Variants in RRM1 observed in about 807,000 individuals in gnomAD.
RRM1 encodes the protein ribonucleotide reductase catalytic subunit M1.
RRM1 carries 19 observed loss-of-function variants against 101.5 expected under a neutral mutation model. The ratio of observed to expected loss-of-function variants is 0.19; its 90% CI spans 0.13 to 0.27. RRM1 has a LOEUF of 0.27. RRM1 is among the 10% of genes least tolerant of loss of function. The probability of loss-of-function intolerance (pLI) is 1.00; values close to 1 mark genes in which losing one functional copy is unlikely to be tolerated. For missense variants in RRM1, 500 were observed against 962.9 expected, an observed-to-expected ratio of 0.52 and a Z score of 6.36; for synonymous variants, 298 against 323.4, an observed-to-expected ratio of 0.92 and a Z score of 0.84.
At position 4,133,980 on chromosome 11, in the gene RRM1, A is replaced by ATTTTT. The variant is rs34715101; in HGVS notation, c.2001+342_2001+346dup. The stretch of plus-strand genomic sequence containing the variant: ...GTCTAGGAACAGGAACCAGACATCA[A>ATTTTT]TTTTTTTTTTTTTTTTTTTTTTTTG... On this transcript the variant is annotated intron_variant, in intron 17 of 18. Transcript: ENST00000300738. 2.1e-3 allele frequency among the ~76,000 whole-genome samples: 195 copies of ATTTTT among 90,846 alleles called. 4 individuals are homozygous for ATTTTT. The highest frequency in any genetic ancestry group is 4.8e-3 in the African/African-American group (107 of 22,212). The allele number at this position is 90,846 out of a possible 152,430, so 59.6% of individuals were successfully genotyped here.
At chr11:4,100,077 T>TA (rs1306736572) in intron 1 of RRM1, among the ~76,000 whole-genome samples, 1 of 152,210 alleles carries the variant, frequency 6.6e-6, no homozygotes, top group Non-Finnish European at 1.5e-5. Flanking sequence ...ATTTCAGAGT[T>TA]AAATGCTGCA....
At chr11:4,126,001 A>G (rs1565187826) in intron 12 of RRM1, among the ~76,000 whole-genome samples, 1 of 152,226 alleles carries the variant, frequency 6.6e-6, no homozygotes, top group Admixed American at 6.5e-5. Flanking sequence ...TTCATTCAAC[A>G]TTATCAAGAC....
chr11:4,132,436 A>C lies in RRM1; in HGVS notation c.1905+15A>C, dbSNP rs771427090. The stretch of plus-strand genomic sequence containing the variant: ...GAGAATTTCAGGTGAGCAGTTCACA[A>C]CCAGCCTTACAGGGAGATCTTTCAA... On this transcript the variant is annotated intron_variant, in intron 16 of 18. Coordinates refer to ENST00000300738, the MANE Select transcript of RRM1 (RefSeq NM_001033.5). The surrounding 1 kb of genome is among the most constrained non-coding windows in gnomAD (Gnocchi z 4.1). 6.2e-7 allele frequency: 1 copy of C among 1,613,750 alleles called. No individual in the cohort carries two copies. The highest frequency in any genetic ancestry group is 1.1e-5 in the South Asian group (1 of 91,058).
At chr11:4,113,114 C>G (rs972990479) in intron 7 of RRM1, among the ~76,000 whole-genome samples, 1 of 102,574 alleles carries the variant, frequency 9.7e-6, no homozygotes, top group East Asian at 3.4e-4. Context: ...TCTGGTAATA[C>G]ATTAAAAAAA....
chr11:4,110,320 T>C (rs2094563590), intron 5 of RRM1, among the ~76,000 whole-genome samples: 1 of 152,002 alleles, frequency 6.6e-6, no homozygotes, highest in Non-Finnish European at 1.5e-5. Flanking sequence ...GCCCAGCTAA[T>C]GTTTGTATTT....
upstream of RRM1, chr11:4,094,769 T>A (rs372152017): frequency 4.8e-5 from 28 of 581,310 alleles, no homozygotes; most frequent in East Asian, 2.8e-4. Context: ...GGCCGCAGCG[T>A]CGAGTAACGT....
intron 5 of RRM1, 32 bp from the exon 6 acceptor site, chr11:4,111,569 C>A: frequency 6.4e-7 from 1 of 1,565,678 alleles, no homozygotes; most frequent in Non-Finnish European, 8.7e-7. Context: ...AAACGGTGCT[C>A]TGAAAATTTT....
chr11:4,106,255 T>C (rs780396399), intron 3 of RRM1, 32 bp downstream of exon 3: 16 of 1,556,074 alleles, frequency 1.0e-5, no homozygotes, highest in Non-Finnish European at 1.4e-5. Context: ...AAAAATTTAG[T>C]ACTCTCAGAA....
chr11:4,109,695 G>A lies in RRM1; in HGVS notation c.439G>A (p.Gly147Ser). Reference sequence around the variant, plus strand: ...CCGAGATTTCTCTTACAATTACTTCGGCTTTAAGGTAAATAATGGGTTTCA... The same window carrying A: ...CCGAGATTTCTCTTACAATTACTTCAGCTTTAAGGTAAATAATGGGTTTCA... ...YDRDFSYNYFGFKTLERSYLL... is the reference protein window; with the variant it reads ...YDRDFSYNYFSFKTLERSYLL... Residue 147 changes from glycine to serine, a missense_variant, in exon 5 of 19, where the codon GGC becomes AGC. Gly to Ser is a moderately conservative substitution (Grantham distance 56). Transcript: ENST00000300738. 1.2e-6 allele frequency: 2 copies of A among 1,602,026 alleles called. No homozygotes were observed. Among genetic ancestry groups the A allele is most frequent in the Non-Finnish European group, 1.7e-6 (2 of 1,173,138 alleles).
At chr11:4,105,658 G>T (rs1319709752) in intron 2 of RRM1, 1 of 394,012 alleles carries the variant, frequency 2.5e-6, no homozygotes, top group Middle Eastern at 9.3e-4. Flanking sequence ...ACAGCTCATT[G>T]CAGCCTCAGC....
intron 4 of RRM1, 88 bp downstream of exon 4, chr11:4,107,623 T>C (rs2094560051): frequency 2.7e-6 from 2 of 727,740 alleles, no homozygotes; most frequent in Admixed American, 2.3e-5. Flanking sequence ...CTGCAAAAGA[T>C]ACAGGTAAAT....
At chr11:4,118,563 C>G in intron 8 of RRM1, 102 bp downstream of exon 8, 1 of 1,191,402 alleles carries the variant, frequency 8.4e-7, no homozygotes, top group Non-Finnish European at 1.2e-6. Flanking sequence ...TCCTGGGTCT[C>G]TGTTAAATTA....
chr11:4,129,639 G>A (rs1015998), intron 15 of RRM1, among the ~76,000 whole-genome samples: 58,958 of 151,788 alleles, frequency 0.39, 14,068 homozygotes, highest in Non-Finnish European at 0.53. Context: ...TTGAGTTTTT[G>A]TAGGCCTTTC....
At chr11:4,116,124 TGG>T (rs1259219966) in intron 7 of RRM1, 1 of 152,126 alleles carries the variant, frequency 6.6e-6, no homozygotes. Flanking sequence ...TTATGGATGC[TGG>T]GTGAGGAGTG....
At chr11:4,127,562 CT>C (rs2094591924) in intron 14 of RRM1, among the ~76,000 whole-genome samples, 1 of 152,116 alleles carries the variant, frequency 6.6e-6, no homozygotes, top group Non-Finnish European at 1.5e-5. Flanking sequence ...CTGATAACCA[CT>C]AGAAGTTATA....
At chr11:4,134,635 GA>G (rs1263914275) in intron 17 of RRM1, among the ~76,000 whole-genome samples, 1 of 152,166 alleles carries the variant, frequency 6.6e-6, no homozygotes, top group Non-Finnish European at 1.5e-5. Context: ...AAGGGAGTTT[GA>G]AATCCTAGCT....
intron 8 of RRM1, among the ~76,000 whole-genome samples, chr11:4,118,726 T>G (rs1356270381): frequency 6.6e-6 from 1 of 152,222 alleles, no homozygotes; most frequent in African/African-American, 2.4e-5. Context: ...ATAAGAGCAG[T>G]TATCATTGAT....
intron 14 of RRM1, among the ~76,000 whole-genome samples, chr11:4,127,859 C>T (rs1168887705): frequency 6.6e-6 from 1 of 152,134 alleles, no homozygotes; most frequent in Admixed American, 6.5e-5. Flanking sequence ...ACATGGCATT[C>T]GTTATCTCAC....
intron 14 of RRM1, among the ~76,000 whole-genome samples, chr11:4,128,219 G>T (rs2094593182): frequency 1.3e-5 from 2 of 148,332 alleles, no homozygotes; most frequent in South Asian, 4.2e-4. Context: ...TGGAGTGTGT[G>T]GTGTGATCTT....
Sources: gnomAD v4.1 joint callset for allele counts (sites outside exome capture counted in the v4.1 genomes callset) on GRCh38, gnomAD v4.1.1 for gene constraint, Gnocchi (gnomAD v3.1) non-coding constraint, MANE v1.5 for transcripts, NCBI Gene and HGNC (gene_info 2026-07-23, HGNC 2026-07-21) for gene names.